The following CSMD1 variants were observed in gnomAD, a reference collection of about 807,000 sequenced individuals.
CSMD1 encodes the protein CUB and Sushi multiple domains 1.
A neutral mutation model predicts 417.5 loss-of-function variants in CSMD1; 213 were observed. The ratio of observed to expected loss-of-function variants is 0.51; its 90% CI spans 0.46 to 0.57. The LOEUF (loss-of-function observed/expected upper bound fraction) is 0.57, where lower values mean the gene tolerates loss of function less well. Among genes scored for constraint, CSMD1 ranks in the 20% least tolerant of loss-of-function variants. The pLI is 0.00. For synonymous variants in CSMD1, 2,862 were observed against 1,736.8 expected, an observed-to-expected ratio of 1.65 and a Z score of -16.11; for missense variants, 6,923 against 4,529.7, an observed-to-expected ratio of 1.53 and a Z score of -15.17.
At chr8:3,930,105 G>T (rs542528346) in intron 5 of CSMD1, among the ~76,000 whole-genome samples, 1 of 150,134 alleles carries the variant, frequency 6.7e-6, no homozygotes, top group Middle Eastern at 3.2e-3. Context: ...ATCTTTATTT[G>T]GTACTGGGAA....
At chr8:3,714,660 C>T (rs1159168562) in intron 6 of CSMD1, among the ~76,000 whole-genome samples, 1 of 151,296 alleles carries the variant, frequency 6.6e-6, no homozygotes, top group Non-Finnish European at 1.5e-5. Flanking sequence ...TTGCTTGAAC[C>T]CCGGAGGCAG....
At chr8:3,830,244 T>C (rs1025361163) in intron 5 of CSMD1, among the ~76,000 whole-genome samples, 1 of 152,196 alleles carries the variant, frequency 6.6e-6, no homozygotes, top group Non-Finnish European at 1.5e-5. Flanking sequence ...TGATCATACA[T>C]GATAGAGCAA....
intron 3 of CSMD1, among the ~76,000 whole-genome samples, chr8:4,111,584 C>A (rs1465309060): frequency 6.6e-6 from 1 of 152,108 alleles, no homozygotes; most frequent in African/African-American, 2.4e-5. Context: ...GAATACTATG[C>A]AAACATAAAA....
chr8:4,713,532 G>C (rs1286646233), intron 1 of CSMD1, among the ~76,000 whole-genome samples: 1 of 152,178 alleles, frequency 6.6e-6, no homozygotes, highest in Non-Finnish European at 1.5e-5. Context: ...CTCCCGGGTA[G>C]CTGGGACTAC....
In CSMD1 at chr8:4,202,751, G is replaced by A. The variant is rs572933800; in HGVS notation, c.416-170652C>T. On this transcript the variant is annotated intron_variant, in intron 3 of 69. Coordinates refer to ENST00000635120, the MANE Select transcript of CSMD1 (RefSeq NM_033225.6). ...TTACTTAATAACTAAGTGTTACAAAGGGAGAAAATGATAGTGATAGAACAG... is the reference window on the plus strand; with the variant it reads ...TTACTTAATAACTAAGTGTTACAAAAGGAGAAAATGATAGTGATAGAACAG... Among the ~76,000 whole-genome samples the A allele has an allele frequency of 2.6e-5, 4 of 152,270 alleles. No homozygotes were observed. In the East Asian group the frequency reaches 5.8e-4, roughly 22 times the overall value.
chr8:3,269,394 G>T (rs111452215), intron 26 of CSMD1, among the ~76,000 whole-genome samples: 2 of 152,330 alleles, frequency 1.3e-5, no homozygotes, highest in Admixed American at 6.5e-5. Context: ...AACCACACAG[G>T]CTTACGGCTG....
intron 7 of CSMD1, among the ~76,000 whole-genome samples, chr8:3,681,424 G>C (rs1376270371): frequency 2.0e-5 from 3 of 152,112 alleles, no homozygotes; most frequent in African/African-American, 7.2e-5. Context: ...AATCATGAGT[G>C]AACTCCCATT....
chr8:4,950,073 A>G (rs923993578), intron 1 of CSMD1, among the ~76,000 whole-genome samples: 6 of 151,638 alleles, frequency 4.0e-5, no homozygotes, highest in African/African-American at 7.3e-5. Context: ...ATACCTAGAA[A>G]TATTTCTCTA....
intron 6 of CSMD1, among the ~76,000 whole-genome samples, chr8:3,735,656 C>G (rs1031662133): frequency 1.3e-5 from 2 of 152,168 alleles, no homozygotes; most frequent in Non-Finnish European, 2.9e-5. Context: ...GTTCACTCGG[C>G]TGAGAAATGG....
At chr8:4,783,026 G>A (rs1797228528) in intron 1 of CSMD1, among the ~76,000 whole-genome samples, 1 of 150,944 alleles carries the variant, frequency 6.6e-6, no homozygotes, top group Non-Finnish European at 1.5e-5. Context: ...GTCTGGAAAT[G>A]GTAGCATTAA....
At chr8:3,923,523 C>T (rs1445773928) in intron 5 of CSMD1, among the ~76,000 whole-genome samples, 2 of 152,012 alleles carry the variant, frequency 1.3e-5, no homozygotes, top group African/African-American at 2.4e-5. Context: ...TTATTCTCAC[C>T]TTGCGCATTT....
At chr8:3,308,192 C>A (rs1300025349) in intron 24 of CSMD1, 120 bp downstream of exon 24, 2 of 764,748 alleles carry the variant, frequency 2.6e-6, no homozygotes, top group Non-Finnish European at 4.2e-6. Flanking sequence ...ATACATAAAA[C>A]TCACACTGGA....
intron 2 of CSMD1, among the ~76,000 whole-genome samples, chr8:4,513,828 G>A (rs956151118): frequency 1.3e-5 from 2 of 152,156 alleles, no homozygotes; most frequent in Non-Finnish European, 2.9e-5. Flanking sequence ...TCTCTGTGAT[G>A]TACTGCTCTG....
intron 7 of CSMD1, among the ~76,000 whole-genome samples, chr8:3,629,598 A>G (rs538705616): frequency 2.0e-5 from 3 of 152,222 alleles, no homozygotes; most frequent in Non-Finnish European, 4.4e-5. Flanking sequence ...CAACTTTAAT[A>G]TACCATGAGT....
intron 10 of CSMD1, among the ~76,000 whole-genome samples, chr8:3,517,665 C>G (rs914034652): frequency 1.3e-5 from 2 of 152,090 alleles, no homozygotes; most frequent in African/African-American, 4.8e-5. Context: ...TTTGGTCTAG[C>G]TAACACAATT....
At chr8:2,992,812 A>G (rs1585108799) in intron 54 of CSMD1, among the ~76,000 whole-genome samples, 1 of 152,022 alleles carries the variant, frequency 6.6e-6, no homozygotes, top group South Asian at 2.1e-4. Context: ...GTCTTGGCTC[A>G]CTGTAGCCTT....
intron 3 of CSMD1, among the ~76,000 whole-genome samples, chr8:4,359,197 G>C (rs543647351): frequency 4.6e-5 from 7 of 152,146 alleles, no homozygotes; most frequent in Admixed American, 2.0e-4. Context: ...AAAAGTCCCA[G>C]AGCATGAGTT....
chr8:3,272,256 T>C (rs1315312671), intron 26 of CSMD1, among the ~76,000 whole-genome samples: 4 of 143,932 alleles, frequency 2.8e-5, no homozygotes, highest in African/African-American at 7.8e-5. Flanking sequence ...TGCGGCGTTA[T>C]TTCTGAGGGC....
intron 26 of CSMD1, among the ~76,000 whole-genome samples, chr8:3,276,959 G>C (rs1407719589): frequency 6.6e-6 from 1 of 152,086 alleles, no homozygotes; most frequent in Non-Finnish European, 1.5e-5. Context: ...TATTATAGAA[G>C]TATAAACATT....
Sources: allele counts gnomAD v4.1 joint callset (sites outside exome capture counted in the v4.1 genomes callset), GRCh38; gene constraint gnomAD v4.1.1; transcripts MANE v1.5; gene names NCBI Gene and HGNC (gene_info 2026-07-23, HGNC 2026-07-21).